Variants in CAMKMT observed in about 807,000 individuals in gnomAD.
CAMKMT encodes the protein calmodulin-lysine N-methyltransferase, also known as CaM KMT.
In CAMKMT, 53 loss-of-function variants were observed where a neutral mutation model predicts 48.0. The observed-to-expected ratio is 1.10, with a 90% confidence interval of 0.89 to 1.39. The LOEUF is 1.39. Among genes scored for constraint, CAMKMT ranks in the 40% most tolerant of loss-of-function variants. The pLI is 0.00. For missense variants in CAMKMT, 428 were observed against 402.7 expected (o/e 1.06, Z -0.54); for synonymous variants, 165 against 152.3 (o/e 1.08, Z -0.61).
chr2:44,704,037 A>T lies in CAMKMT; in HGVS notation c.377-246A>T, dbSNP rs559221740. On this transcript the variant is annotated intron_variant, in intron 3 of 10. Coordinates refer to ENST00000378494, the MANE Select transcript of CAMKMT (RefSeq NM_024766.5). ...GATTTTGGTTGTTACTGTTTTGGCT[A>T]TCTTGTGATCAAAATTTAGTATAAT... Among the ~76,000 whole-genome samples the T allele has an allele frequency of 1.6e-4, 25 of 152,306 alleles. No homozygotes were observed. In the East Asian group the frequency reaches 4.6e-3, roughly 28 times the overall value.
At position 44,382,881 on chromosome 2, in the gene CAMKMT, G is replaced by A. The variant is rs568864839; in HGVS notation, c.312-7360G>A. On this transcript the variant is annotated intron_variant, in intron 2 of 10. Coordinates refer to ENST00000378494, the MANE Select transcript of CAMKMT (RefSeq NM_024766.5). ...ATGGAAAGGGTAATACAGTTTACACGTATTCTCTTACTATGTTTTAGTTTG... is the reference window on the plus strand; with the variant it reads ...ATGGAAAGGGTAATACAGTTTACACATATTCTCTTACTATGTTTTAGTTTG... Among the ~76,000 whole-genome samples the A allele has an allele frequency of 9.8e-5, 15 of 152,298 alleles. No individual in the cohort carries two copies. In the South Asian group the frequency reaches 2.3e-3, roughly 23 times the overall value.
intron 3 of CAMKMT, among the ~76,000 whole-genome samples, chr2:44,700,602 G>A (rs1057314944): frequency 6.6e-6 from 1 of 152,134 alleles, no homozygotes; most frequent in Non-Finnish European, 1.5e-5. Flanking sequence ...GGAGAAGTCA[G>A]AACACACACA....
intron 3 of CAMKMT, among the ~76,000 whole-genome samples, chr2:44,428,630 T>A (rs754145499): frequency 2.6e-5 from 4 of 152,248 alleles, no homozygotes; most frequent in Non-Finnish European, 5.9e-5. Context: ...TTAGTTAACA[T>A]AGTCCAAGGT....
chr2:44,634,486 G>A (rs1404502447), intron 3 of CAMKMT, among the ~76,000 whole-genome samples: 1 of 151,988 alleles, frequency 6.6e-6, no homozygotes, highest in Non-Finnish European at 1.5e-5. Context: ...ATCACTAGAA[G>A]CAGAAGCATT....
chr2:44,571,018 G>C (rs1231178809), intron 3 of CAMKMT, among the ~76,000 whole-genome samples: 9 of 152,156 alleles, frequency 5.9e-5, no homozygotes, highest in South Asian at 4.1e-4. Context: ...TTGATTTAAA[G>C]GTTAGATAGT....
intron 3 of CAMKMT, among the ~76,000 whole-genome samples, chr2:44,435,580 C>T (rs974499551): frequency 1.1e-4 from 16 of 152,176 alleles, no homozygotes; most frequent in African/African-American, 3.4e-4. Flanking sequence ...AAAGGTGATC[C>T]GAGTGAATCA....
intron 3 of CAMKMT, among the ~76,000 whole-genome samples, chr2:44,679,311 T>C (rs1038453465): frequency 2.6e-5 from 4 of 152,242 alleles, no homozygotes; most frequent in African/African-American, 4.8e-5. Context: ...TTATATTTGA[T>C]ATTGGACTGC....
intron 3 of CAMKMT, among the ~76,000 whole-genome samples, chr2:44,469,106 G>A (rs1668281076): frequency 6.6e-6 from 1 of 152,102 alleles, no homozygotes; most frequent in Non-Finnish European, 1.5e-5. Context: ...ATCAGTTCTA[G>A]TGTTCTACAG....
chr2:44,362,853 G>C (rs961624126), intron 1 of CAMKMT, among the ~76,000 whole-genome samples: 1 of 152,172 alleles, frequency 6.6e-6, no homozygotes, highest in Non-Finnish European at 1.5e-5. Context: ...CAAGCTTGAC[G>C]GAAGTTCTGA....
chr2:44,551,136 T>G (rs889489696), intron 3 of CAMKMT, among the ~76,000 whole-genome samples: 12 of 47,578 alleles, frequency 2.5e-4, no homozygotes, highest in Non-Finnish European at 8.9e-4. Context: ...CACAAGATTA[T>G]GTAGTCCTGT....
intron 3 of CAMKMT, among the ~76,000 whole-genome samples, chr2:44,594,575 TTAA>T: frequency 6.6e-6 from 1 of 152,280 alleles, no homozygotes; most frequent in Non-Finnish European, 1.5e-5. Context: ...GATTCCCTAT[TTAA>T]TAAATGGTGC....
chr2:44,380,572 C>G (rs1052099456), intron 2 of CAMKMT, among the ~76,000 whole-genome samples: 2 of 151,984 alleles, frequency 1.3e-5, no homozygotes, highest in East Asian at 3.9e-4. Flanking sequence ...AAGAACAGTC[C>G]TTAAGTTTGG....
At chr2:44,425,085 A>G (rs1315817923) in intron 3 of CAMKMT, among the ~76,000 whole-genome samples, 1 of 151,758 alleles carries the variant, frequency 6.6e-6, no homozygotes, top group Non-Finnish European at 1.5e-5. Flanking sequence ...ACTCAAAGTT[A>G]AAGAATAAAA....
intron 3 of CAMKMT, among the ~76,000 whole-genome samples, chr2:44,662,311 G>A (rs911740816): frequency 6.6e-6 from 1 of 152,188 alleles, no homozygotes; most frequent in Non-Finnish European, 1.5e-5. Flanking sequence ...CAGTGCTTCT[G>A]ATATTGAACG....
chr2:44,408,635 C>G (rs552503768), intron 3 of CAMKMT, among the ~76,000 whole-genome samples: 125 of 152,102 alleles, frequency 8.2e-4, no homozygotes, highest in African/African-American at 2.9e-3. Flanking sequence ...ACTTCAAAGT[C>G]TGAACTCATT....
chr2:44,702,819 C>T (rs1233238501), intron 3 of CAMKMT, among the ~76,000 whole-genome samples: 1 of 152,178 alleles, frequency 6.6e-6, no homozygotes, highest in Non-Finnish European at 1.5e-5. Flanking sequence ...TATGGAGACA[C>T]CTCTTTGCTG....
chr2:44,741,038 G>A lies in CAMKMT; in HGVS notation c.624-2584G>A, dbSNP rs140734488. On this transcript the variant is annotated intron_variant, in intron 7 of 10. Coordinates refer to ENST00000378494, the MANE Select transcript of CAMKMT (RefSeq NM_024766.5). ...ACTGGTGCCAGTCTGTGAACTGTGT[G>A]TTACTGATCTGCAAGGAGATAAGTT... Among the ~76,000 whole-genome samples, 11 of 152,322 alleles carry A rather than the reference G, an allele frequency of 7.2e-5. No homozygotes were observed. In the East Asian group the frequency reaches 1.9e-3, roughly 27 times the overall value.
At chr2:44,519,840 C>T (rs2104793182) in intron 3 of CAMKMT, among the ~76,000 whole-genome samples, 1 of 152,224 alleles carries the variant, frequency 6.6e-6, no homozygotes, top group Admixed American at 6.5e-5. Flanking sequence ...TTCCTGGGCT[C>T]AAGTGATCCT....
chr2:44,448,556 G>T (rs1013667202), intron 3 of CAMKMT, among the ~76,000 whole-genome samples: 3 of 152,070 alleles, frequency 2.0e-5, no homozygotes, highest in African/African-American at 4.8e-5. Context: ...ATTAAGCCTT[G>T]GTATTATGAG....
Sources: allele counts gnomAD v4.1 joint callset (sites outside exome capture counted in the v4.1 genomes callset), GRCh38; gene constraint gnomAD v4.1.1; transcripts MANE v1.5; gene names NCBI Gene and HGNC (gene_info 2026-07-23, HGNC 2026-07-21).